PTPRT: variants seen among roughly 807,000 people sequenced by gnomAD.
PTPRT encodes receptor-type tyrosine-protein phosphatase T.
In PTPRT, 56 loss-of-function variants were observed where a neutral mutation model predicts 176.8. The ratio of observed to expected loss-of-function variants is 0.32; its 90% CI spans 0.26 to 0.40. The LOEUF (loss-of-function observed/expected upper bound fraction) is 0.40, where lower values mean the gene tolerates loss of function less well. Ranked by LOEUF, PTPRT falls within the 10% of genes least tolerant of loss-of-function variation. The probability of loss-of-function intolerance (pLI) is 1.00; values close to 1 mark genes in which losing one functional copy is unlikely to be tolerated. For synonymous variants in PTPRT, 783 were observed against 739.0 expected (o/e 1.06, Z -0.96); for missense variants, 1,540 against 1,908.2 (o/e 0.81, Z 3.60).
At chr20:42,541,805 TAAAATTTTAAAATTTTAA>T (rs2072586593) in intron 7 of PTPRT, among the ~76,000 whole-genome samples, 1 of 147,414 alleles carries the variant, frequency 6.8e-6, no homozygotes, top group South Asian at 2.1e-4. Flanking sequence ...TATATTGAAT[TAAAATTTTAAAATTTTAA>T]AAAATTTTAA....
intron 7 of PTPRT, among the ~76,000 whole-genome samples, chr20:42,487,973 T>C (rs140005874): frequency 1.0e-3 from 154 of 152,352 alleles, no homozygotes; most frequent in Non-Finnish European, 1.9e-3. Flanking sequence ...TTGTTTACTA[T>C]GCATGTATTT....
At chr20:42,363,635 G>A (rs2058472761) in intron 9 of PTPRT, among the ~76,000 whole-genome samples, 1 of 151,936 alleles carries the variant, frequency 6.6e-6, no homozygotes, top group Non-Finnish European at 1.5e-5. Flanking sequence ...AACAACACGA[G>A]AGGACATTTA....
At chr20:42,153,054 G>A (rs544196417) in intron 17 of PTPRT, among the ~76,000 whole-genome samples, 5 of 152,118 alleles carry the variant, frequency 3.3e-5, no homozygotes, top group South Asian at 4.2e-4. Context: ...TCTCTAACTC[G>A]GAGTCTTATC....
intron 12 of PTPRT, among the ~76,000 whole-genome samples, chr20:42,285,135 C>G (rs1164210470): frequency 2.0e-5 from 3 of 151,992 alleles, no homozygotes; most frequent in African/African-American, 7.2e-5. Flanking sequence ...CTGTTGGCTT[C>G]CATTCCAATA....
chr20:42,204,066 T>A (rs139078308), intron 15 of PTPRT, among the ~76,000 whole-genome samples: 1 of 152,204 alleles, frequency 6.6e-6, no homozygotes, highest in Non-Finnish European at 1.5e-5. Context: ...ATAGTCCTCT[T>A]ACTCTGAACA....
the PTPRT span, among the ~76,000 whole-genome samples, chr20:42,057,448 C>A: frequency 6.6e-6 from 1 of 152,184 alleles, no homozygotes; most frequent in Admixed American, 6.5e-5. Context: ...GTGAGCCATA[C>A]TGTTGACCCT....
chr20:42,567,973 C>CT (rs559196108), intron 7 of PTPRT, among the ~76,000 whole-genome samples: 2,990 of 140,424 alleles, frequency 0.021, 87 homozygotes, highest in African/African-American at 0.071. Flanking sequence ...CTTTTTTTTG[C>CT]TTTTTTTTTT....
intron 7 of PTPRT, among the ~76,000 whole-genome samples, chr20:42,612,017 T>C (rs1600469983): frequency 6.6e-6 from 1 of 152,290 alleles, no homozygotes; most frequent in Middle Eastern, 3.4e-3. Context: ...AGACCCATGC[T>C]GACATGGGCC....
At chr20:42,921,721 G>A (rs1206155555) in intron 1 of PTPRT, among the ~76,000 whole-genome samples, 1 of 152,182 alleles carries the variant, frequency 6.6e-6, no homozygotes, top group Admixed American at 6.5e-5. Context: ...GGCAGCATCC[G>A]ATCTCAGAAC....
At chr20:43,068,927 T>C (rs2011147346) in intron 1 of PTPRT, among the ~76,000 whole-genome samples, 1 of 152,108 alleles carries the variant, frequency 6.6e-6, no homozygotes, top group African/African-American at 2.4e-5. Flanking sequence ...AGTTGCAGGG[T>C]AGCAGTAGAG....
intron 3 of PTPRT, 36 bp downstream of exon 3, chr20:42,791,159 A>C (rs377236892): frequency 6.5e-7 from 1 of 1,535,102 alleles, no homozygotes; most frequent in African/African-American, 1.4e-5. Context: ...ATTTATTACA[A>C]ATTTTCAAAA....
chr20:43,084,742 G>A (rs534133346), intron 1 of PTPRT, among the ~76,000 whole-genome samples: 2 of 152,222 alleles, frequency 1.3e-5, no homozygotes, highest in East Asian at 3.9e-4. Context: ...TAAGCATGTA[G>A]ATAAGTATAT....
chr20:42,174,682 A>C (rs1479083598), intron 16 of PTPRT, among the ~76,000 whole-genome samples: 1 of 152,172 alleles, frequency 6.6e-6, no homozygotes, highest in African/African-American at 2.4e-5. Context: ...CCAATAGGAA[A>C]GACTGAGAGG....
Position 42,677,855 on chromosome 20 carries a change from A to AAC in PTPRT, c.1153+10_1153+11insGT. ...TCTCATAATGGAGCCTGGGAAAAAA[A>AAC]AAAATCTTACCTGCACACTTGGTCC... On this transcript the variant is annotated intron_variant, in intron 7 of 30. Coordinates refer to ENST00000373187, the MANE Select transcript of PTPRT (RefSeq NM_007050.6). The AAC allele has an allele frequency of 6.3e-7, 1 of 1,598,534 alleles. No individual in the cohort carries two copies.
At chr20:43,084,600 G>C (rs536152215) in intron 1 of PTPRT, among the ~76,000 whole-genome samples, 2 of 152,292 alleles carry the variant, frequency 1.3e-5, no homozygotes, top group Admixed American at 1.3e-4. Flanking sequence ...TTCCAAATGA[G>C]ATTTGGAGGG....
chr20:43,094,775 T>C (rs2012057687), intron 1 of PTPRT, among the ~76,000 whole-genome samples: 1 of 152,162 alleles, frequency 6.6e-6, no homozygotes, highest in South Asian at 2.1e-4. Flanking sequence ...GCCTCATCTG[T>C]CTACACATGG....
At chr20:42,528,198 A>G (rs1176659654) in intron 7 of PTPRT, among the ~76,000 whole-genome samples, 1 of 151,776 alleles carries the variant, frequency 6.6e-6, no homozygotes, top group Non-Finnish European at 1.5e-5. Flanking sequence ...TTTCTCTCAC[A>G]TTTTGCCTTT....
chr20:42,331,965 G>A (rs959630658), intron 11 of PTPRT, among the ~76,000 whole-genome samples: 3 of 151,798 alleles, frequency 2.0e-5, no homozygotes, highest in African/African-American at 7.3e-5. Context: ...TGCCTCAGGA[G>A]AACTCAAGGC....
chr20:43,153,920 G>A lies in PTPRT; in HGVS notation c.88+35726C>T, dbSNP rs538582270. Among the ~76,000 whole-genome samples, 8 of 151,914 alleles carry A rather than the reference G, an allele frequency of 5.3e-5. No homozygotes were observed. The East Asian group carries it at 1.5e-3, about 29-fold the overall frequency. On this transcript the variant is annotated intron_variant, in intron 1 of 30. Coordinates refer to ENST00000373187, the MANE Select transcript of PTPRT (RefSeq NM_007050.6). ...GAAGCCAGCCTCTCAGAATCAGGTG[G>A]CTTGTAGAGAAACCTCTAGAGATGG... is the stretch of plus-strand genomic sequence containing the variant.
Sources: gnomAD v4.1 joint callset for allele counts (sites outside exome capture counted in the v4.1 genomes callset) on GRCh38, gnomAD v4.1.1 for gene constraint, MANE v1.5 for transcripts, NCBI Gene and HGNC (gene_info 2026-07-23, HGNC 2026-07-21) for gene names.